VPS53: variants seen among roughly 807,000 people sequenced by gnomAD.
VPS53 encodes the protein vacuolar protein sorting-associated protein 53 homolog.
Under a neutral mutation model 107.0 loss-of-function variants are expected in VPS53, and 70 were observed. The observed-to-expected ratio is 0.65, with a 90% CI of 0.54 to 0.80. VPS53 has a LOEUF of 0.80. Ranked by LOEUF, VPS53 falls within the 30% of genes least tolerant of loss-of-function variation. The pLI, the probability that VPS53 is intolerant of heterozygous loss-of-function variation, is 0.00. For missense variants in VPS53, 917 were observed against 1,049.4 expected (o/e 0.87, Z 1.74); for synonymous variants, 409 against 393.3 (o/e 1.04, Z -0.47).
At chr17:686,330 A>G (rs1363205741) in intron 4 of VPS53, among the ~76,000 whole-genome samples, 1 of 152,228 alleles carries the variant, frequency 6.6e-6, no homozygotes, top group Non-Finnish European at 1.5e-5. Flanking sequence ...TAAGAAGAAA[A>G]AAAAGAAGAA....
At chr17:695,438 C>G (rs1972923069) in intron 4 of VPS53, among the ~76,000 whole-genome samples, 1 of 152,046 alleles carries the variant, frequency 6.6e-6, no homozygotes, top group South Asian at 2.1e-4. Flanking sequence ...AAGCACAGGT[C>G]CAGAAAGCAC....
At chr17:694,282 T>C (rs567631347) in intron 4 of VPS53, among the ~76,000 whole-genome samples, 1 of 152,232 alleles carries the variant, frequency 6.6e-6, no homozygotes, top group Non-Finnish European at 1.5e-5. Flanking sequence ...CCTGCTCTGC[T>C]GCGGCAACCT....
chr17:629,798 CAA>C (rs955509909), intron 8 of VPS53, among the ~76,000 whole-genome samples: 1 of 104,194 alleles, frequency 9.6e-6, no homozygotes, highest in Non-Finnish European at 1.9e-5. Flanking sequence ...AAAAACAAAA[CAA>C]AAAAAAAACC....
chr17:548,150 G>A (rs1911395490), intron 17 of VPS53, among the ~76,000 whole-genome samples: 1 of 152,198 alleles, frequency 6.6e-6, no homozygotes, highest in African/African-American at 2.4e-5. Context: ...CACATACTCC[G>A]GAGTGAGCGG....
intron 7 of VPS53, among the ~76,000 whole-genome samples, chr17:645,756 A>G (rs567190913): frequency 6.6e-6 from 1 of 150,876 alleles, no homozygotes; most frequent in South Asian, 2.1e-4. Context: ...CTTTATACCG[A>G]CTGGAGATAG....
intron 13 of VPS53, among the ~76,000 whole-genome samples, chr17:567,279 T>TC (rs1364904908): frequency 6.6e-6 from 1 of 152,232 alleles, no homozygotes; most frequent in Non-Finnish European, 1.5e-5. Context: ...GGATGTCTAC[T>TC]CGGTTACTTC....
intron 4 of VPS53, among the ~76,000 whole-genome samples, chr17:693,987 G>A (rs1355405233): frequency 6.6e-6 from 1 of 152,066 alleles, no homozygotes; most frequent in African/African-American, 2.4e-5. Flanking sequence ...CAGTCAAATA[G>A]ACTCCTTTTA....
intron 7 of VPS53, among the ~76,000 whole-genome samples, chr17:647,026 A>G (rs1181688133): frequency 6.6e-6 from 1 of 152,224 alleles, no homozygotes; most frequent in Non-Finnish European, 1.5e-5. Context: ...CACAAAATAA[A>G]AAATAAATTA....
At chr17:558,822 A>G (rs1013742821) in intron 15 of VPS53, among the ~76,000 whole-genome samples, 5 of 49,900 alleles carry the variant, frequency 1.0e-4, no homozygotes, top group Non-Finnish European at 1.6e-4. Flanking sequence ...CATCTCTACT[A>G]AAAAAAAAAA....
chr17:557,784 G>A (rs1391008112), intron 15 of VPS53, among the ~76,000 whole-genome samples: 1 of 151,458 alleles, frequency 6.6e-6, no homozygotes, highest in African/African-American at 2.4e-5. Flanking sequence ...ACTTCTAAGA[G>A]TCTGTTCTAG....
At chr17:712,933 G>T (rs1366231460) in intron 1 of VPS53, among the ~76,000 whole-genome samples, 12 of 152,176 alleles carry the variant, frequency 7.9e-5, no homozygotes, top group Non-Finnish European at 2.9e-5. Context: ...CTGGCAAAAG[G>T]AGGTAAGTGG....
intron 4 of VPS53, among the ~76,000 whole-genome samples, chr17:673,098 C>G (rs1037394059): frequency 1.6e-5 from 2 of 127,058 alleles, no homozygotes; most frequent in African/African-American, 5.5e-5. Flanking sequence ...GGGCACAGAG[C>G]AAGATTCCGT....
At chr17:546,419 GA>G in intron 17 of VPS53, among the ~76,000 whole-genome samples, 1 of 150,444 alleles carries the variant, frequency 6.6e-6, no homozygotes, top group South Asian at 2.1e-4. Context: ...TCAAGAAAGT[GA>G]AAAGGCAACC....
intron 2 of VPS53, among the ~76,000 whole-genome samples, chr17:701,589 G>T (rs916563538): frequency 6.6e-6 from 1 of 152,144 alleles, no homozygotes; most frequent in African/African-American, 2.4e-5. Flanking sequence ...CGTTGGCCAG[G>T]ATGGTCTCGA....
At chr17:536,574 G>C (rs1910082176) in intron 18 of VPS53, 1 of 162,080 alleles carries the variant, frequency 6.2e-6, no homozygotes, top group South Asian at 1.6e-4. Flanking sequence ...ATGACTTTAA[G>C]TAGCAGATTT....
chr17:535,191 C>A (rs1407317953), intron 18 of VPS53, among the ~76,000 whole-genome samples: 1 of 152,154 alleles, frequency 6.6e-6, no homozygotes, highest in Non-Finnish European at 1.5e-5. Flanking sequence ...AAAACCACTT[C>A]CTAGATCCCA....
intron 13 of VPS53, among the ~76,000 whole-genome samples, chr17:570,688 T>A (rs1913957549): frequency 6.6e-6 from 1 of 152,100 alleles, no homozygotes; most frequent in Admixed American, 6.6e-5. Context: ...CAACCTGCGA[T>A]CTGAGAGCTA....
intron 13 of VPS53, among the ~76,000 whole-genome samples, chr17:563,231 G>C (rs17676874): frequency 0.21 from 32,296 of 150,572 alleles, 4,104 homozygotes; most frequent in Non-Finnish European, 0.29. Context: ...CTGAACACTT[G>C]AGATGCACCA....
chr17:563,589 C>G (rs371611751), intron 13 of VPS53, among the ~76,000 whole-genome samples: 1 of 152,166 alleles, frequency 6.6e-6, no homozygotes, highest in African/African-American at 2.4e-5. Flanking sequence ...CCACTCACTG[C>G]GCCCAGCTCA....
Sources: gnomAD v4.1 joint callset for allele counts (sites outside exome capture counted in the v4.1 genomes callset) on GRCh38, gnomAD v4.1.1 for gene constraint, MANE v1.5 for transcripts, NCBI Gene and HGNC (gene_info 2026-07-23, HGNC 2026-07-21) for gene names.